The following MED6 variants were observed in gnomAD, a reference collection of about 807,000 sequenced individuals.
MED6 encodes the protein mediator of RNA polymerase II transcription subunit 6.
MED6 carries 33 observed loss-of-function variants against 37.5 expected under a neutral mutation model. The ratio of observed to expected loss-of-function variants is 0.88; its 90% CI spans 0.67 to 1.18. The LOEUF is 1.18. MED6 is among the 50% of genes most tolerant of loss of function. The probability of loss-of-function intolerance (pLI) is 0.00; values close to 1 mark genes in which losing one functional copy is unlikely to be tolerated. For missense variants in MED6, 235 were observed against 290.6 expected, an observed-to-expected ratio of 0.81 and a Z score of 1.39; for synonymous variants, 94 against 93.6, an observed-to-expected ratio of 1.00 and a Z score of -0.02.
At chr14:70,591,994 G>T (rs75285441) in intron 5 of MED6, among the ~76,000 whole-genome samples, 1 of 152,160 alleles carries the variant, frequency 6.6e-6, no homozygotes, top group African/African-American at 2.4e-5. Context: ...GTGTTACTCC[G>T]AACACTTGGT....
At chr14:70,596,192 T>C (rs1445541831) in intron 3 of MED6, 1 of 179,746 alleles carries the variant, frequency 5.6e-6, no homozygotes, top group Non-Finnish European at 1.2e-5. Flanking sequence ...GGGCAGAGGA[T>C]GTCCAAGCAA....
At chr14:70,586,432 T>C (rs2139587987) in intron 6 of MED6, among the ~76,000 whole-genome samples, 1 of 152,312 alleles carries the variant, frequency 6.6e-6, no homozygotes, top group East Asian at 1.9e-4. Context: ...TCTTGTCTTC[T>C]TCTACCCCTC....
At chr14:70,596,815 G>C (rs1022859022) in intron 2 of MED6, 113 bp from the exon 3 acceptor site, 2 of 722,860 alleles carry the variant, frequency 2.8e-6, no homozygotes, top group East Asian at 5.5e-5. Context: ...GATTAAAACT[G>C]CCTATGTTTG....
rs1467401034 is a variant in MED6, at chr14:70,583,612, C to T, written c.*1201G>A. 6.6e-6 allele frequency: 1 copy of T among 152,384 alleles called. No homozygotes were observed. Among genetic ancestry groups the T allele is most frequent in the African/African-American group, 2.4e-5 (1 of 41,438 alleles). 9.4% of individuals were successfully genotyped at this position (152,384 alleles called of 1,614,324 possible). On this transcript the variant is annotated 3_prime_UTR_variant, in exon 8 of 8. Coordinates refer to ENST00000256379, the MANE Select transcript of MED6 (RefSeq NM_005466.4). ...AAGGCATTATACAAAGATATAATCA[C>T]AGCAGTCTTATATAAAATAATGTAA...
intron 1 of MED6, among the ~76,000 whole-genome samples, chr14:70,598,751 A>G (rs2046061391): frequency 6.6e-6 from 1 of 152,068 alleles, no homozygotes; most frequent in African/African-American, 2.4e-5. Flanking sequence ...TTTATTGGAA[A>G]TCCTTAATGC....
intron 6 of MED6, among the ~76,000 whole-genome samples, chr14:70,587,964 G>A (rs561538937): frequency 1.3e-5 from 2 of 152,320 alleles, no homozygotes; most frequent in East Asian, 3.9e-4. Flanking sequence ...TCCCCTTACA[G>A]GGGCAACATC....
chr14:70,594,840 C>T (rs757358975), intron 3 of MED6: 36 of 646,914 alleles, frequency 5.6e-5, no homozygotes, highest in African/African-American at 3.6e-5. Flanking sequence ...TGACCTCCTA[C>T]CTGGACAGAG....
chr14:70,599,705 G>A (rs542218551), intron 1 of MED6, among the ~76,000 whole-genome samples: 4 of 151,154 alleles, frequency 2.6e-5, no homozygotes, highest in Non-Finnish European at 4.4e-5. Flanking sequence ...TGAATTATAA[G>A]TAAAACATTT....
intron 5 of MED6, chr14:70,591,760 A>G (rs2139595471): frequency 6.4e-6 from 1 of 156,656 alleles, no homozygotes; most frequent in East Asian, 1.9e-4. Flanking sequence ...CTTTTCTCAC[A>G]AAACCTACTA....
Position 70,597,765 on chromosome 14 carries a change from C to A in MED6, c.35G>T (p.Gly12Val). The A allele has an allele frequency of 6.5e-7, 1 of 1,549,442 alleles. No homozygotes were observed. The highest frequency in any genetic ancestry group is 1.3e-5 in the South Asian group (1 of 79,592). The change falls in exon 2 of 8, where the codon GGA (glycine) becomes GTA (valine). Residue 12 changes from glycine (G) to valine (V), a missense_variant. Physicochemically the swap from Gly to Val is moderately radical, Grantham distance 109. Transcript: ENST00000256379. ...AAVDIRDNLL[G>V]ISWVDSSWIP... ...CCAAGAGCTGTCAACCCAAGAAATT[C>A]CCAGCAGATTGTCTATGGGAAAGAA...
At chr14:70,593,141 C>A in intron 4 of MED6, 153 bp from the exon 5 acceptor site, 3 of 1,273,948 alleles carry the variant, frequency 2.4e-6, no homozygotes, top group Non-Finnish European at 2.2e-6. Context: ...ACTTTGAGCA[C>A]CGACTTGGCT....
chr14:70,587,051 GA>G (rs1566673842), intron 6 of MED6, among the ~76,000 whole-genome samples: 1 of 152,188 alleles, frequency 6.6e-6, no homozygotes, highest in Non-Finnish European at 1.5e-5. Flanking sequence ...GTATGTGCTA[GA>G]TAGAGGATAC....
At chr14:70,593,404 T>A (rs1218486604) in intron 3 of MED6, 26 bp from the exon 4 acceptor site, 1 of 1,521,222 alleles carries the variant, frequency 6.6e-7, no homozygotes, top group Non-Finnish European at 9.1e-7. Context: ...AAAAGGTTTA[T>A]AAATACAGCT....
chr14:70,587,229 C>A (rs1422290987), intron 6 of MED6, among the ~76,000 whole-genome samples: 2 of 152,172 alleles, frequency 1.3e-5, no homozygotes, highest in Non-Finnish European at 2.9e-5. Flanking sequence ...AGAAAGCCTG[C>A]ACATAGATTC....
chr14:70,588,898 A>AT, intron 6 of MED6, among the ~76,000 whole-genome samples: 1 of 152,098 alleles, frequency 6.6e-6, no homozygotes, highest in Admixed American at 6.5e-5. Flanking sequence ...AAGAGTTTTT[A>AT]TTTTAAGAAT....
rs531526401 is a variant in MED6, at chr14:70,588,790, A to G, written c.582+2476T>C. ...AGATAAAACAAGCTTGGCCATTTTG[A>G]TAACTGTTGAGGCAGGCTAAAGGGT... On this transcript the variant is annotated intron_variant, in intron 6 of 7. Transcript: ENST00000256379. 4.6e-5 allele frequency among the ~76,000 whole-genome samples: 7 copies of G among 151,360 alleles called. No homozygotes were observed. The South Asian group carries it at 1.0e-3, about 22-fold the overall frequency.
rs749083595 is a variant in MED6 at position 70,593,355 on chromosome 14, T to C, written c.298A>G (p.Ile100Val). The C allele has an allele frequency of 1.9e-6, 3 of 1,613,726 alleles. No individual in the cohort carries two copies. Among genetic ancestry groups the C allele is most frequent in the African/African-American group, 1.3e-5 (1 of 74,922 alleles). ...GCCTGATAGATCACTCCAGCAATGA[T>C]ATAGTAATCAGCTAGTGGGATAACT... ...AQVIPLADYY[I>V]IAGVIYQAPD... Residue 100 changes from isoleucine (I) to valine (V), a missense_variant, in exon 4 of 8, where the codon ATC becomes GTC. By Grantham distance (29) the Ile-to-Val change is conservative. Coordinates refer to ENST00000256379, the MANE Select transcript of MED6 (RefSeq NM_005466.4).
At chr14:70,584,985 G>A in intron 7 of MED6, 42 bp from the exon 8 acceptor site, 1 of 1,592,238 alleles carries the variant, frequency 6.3e-7, no homozygotes, top group Non-Finnish European at 8.6e-7. Context: ...AGATATGGGT[G>A]GGGGGAATGA....
chr14:70,600,147 T>C (rs191292459), intron 1 of MED6, among the ~76,000 whole-genome samples: 43 of 152,076 alleles, frequency 2.8e-4, no homozygotes, highest in Admixed American at 1.2e-3. Context: ...TAAAGTATTA[T>C]CGACTCAAAA....
Sources: gnomAD v4.1 joint callset for allele counts (sites outside exome capture counted in the v4.1 genomes callset) on GRCh38, gnomAD v4.1.1 for gene constraint, MANE v1.5 for transcripts, NCBI Gene and HGNC (gene_info 2026-07-23, HGNC 2026-07-21) for gene names.